MROH9: variants seen among roughly 807,000 people sequenced by gnomAD.
The protein encoded by MROH9 is maestro heat like repeat family member 9, also known as maestro heat-like repeat-containing protein family member 9.
Under a neutral mutation model 98.2 loss-of-function variants are expected in MROH9, and 92 were observed. That is an observed-to-expected ratio of 0.94 (90% CI 0.79 to 1.11). The LOEUF (loss-of-function observed/expected upper bound fraction) is 1.11, where lower values mean the gene tolerates loss of function less well. Among genes scored for constraint, MROH9 ranks in the 50% most tolerant of loss-of-function variants. MROH9 has a pLI of 0.00. For synonymous variants in MROH9, 397 were observed against 368.9 expected (o/e 1.08, Z -0.87); for missense variants, 1,057 against 1,014.8 (o/e 1.04, Z -0.57).
At position 170,992,345 on chromosome 1, in the gene MROH9, AG is replaced by A. The variant is rs777680929; in HGVS notation, c.1194+17del. ...GCCTTTGGCGGTAAATAACACGATG[AG>A]TGTTTCTTCTTCTCAGTACTGTTTT... On this transcript the variant is annotated intron_variant, in intron 12 of 21. Coordinates refer to ENST00000367759, the MANE Select transcript of MROH9 (RefSeq NM_001163629.2). 45 of 1,608,396 alleles carry A rather than the reference AG, an allele frequency of 2.8e-5. No individual in the cohort carries two copies. In the Admixed American group the frequency reaches 7.6e-4, roughly 27 times the overall value.
At chr1:171,032,862 G>A (rs539944980) in intron 20 of MROH9, among the ~76,000 whole-genome samples, 18 of 152,328 alleles carry the variant, frequency 1.2e-4, no homozygotes, top group Middle Eastern at 3.4e-3. Flanking sequence ...GGATTCCTCA[G>A]AACTACCAGG....
intron 1 of MROH9, among the ~76,000 whole-genome samples, chr1:170,943,293 A>T (rs1649195793): frequency 6.6e-6 from 1 of 152,060 alleles, no homozygotes; most frequent in African/African-American, 2.4e-5. Flanking sequence ...TGTTAAAAAT[A>T]CTCCAAAAGC....
intron 15 of MROH9, among the ~76,000 whole-genome samples, chr1:171,006,721 C>T (rs1439384752): frequency 1.4e-5 from 2 of 141,218 alleles, no homozygotes; most frequent in Admixed American, 7.1e-5. Context: ...TTCAAGTTTG[C>T]TAATTCTTTC....
intron 20 of MROH9, among the ~76,000 whole-genome samples, chr1:171,040,901 G>T (rs1214371959): frequency 2.0e-5 from 3 of 152,010 alleles, no homozygotes; most frequent in Non-Finnish European, 4.4e-5. Context: ...ACTATTTGAA[G>T]ATTCTGAAAA....
chr1:171,030,757 A>G (rs1652879420), intron 20 of MROH9, among the ~76,000 whole-genome samples: 2 of 152,164 alleles, frequency 1.3e-5, no homozygotes, highest in African/African-American at 4.8e-5. Flanking sequence ...AAGAATGTAT[A>G]TTCTGTTGAT....
At chr1:171,015,584 TA>T (rs1652298074) in intron 16 of MROH9, among the ~76,000 whole-genome samples, 1 of 151,942 alleles carries the variant, frequency 6.6e-6, no homozygotes, top group Admixed American at 6.6e-5. Context: ...CCTTGCCTTC[TA>T]TTCTGTTTGG....
chr1:171,014,534 T>C (rs941439893), intron 16 of MROH9, among the ~76,000 whole-genome samples: 4 of 152,142 alleles, frequency 2.6e-5, no homozygotes, highest in Admixed American at 2.0e-4. Context: ...AGACTTGTCT[T>C]ACAGTCTAAA....
At chr1:170,937,812 C>T (rs182392979) in intron 1 of MROH9, among the ~76,000 whole-genome samples, 1 of 152,098 alleles carries the variant, frequency 6.6e-6, no homozygotes, top group Non-Finnish European at 1.5e-5. Flanking sequence ...CGTGAGCCAC[C>T]GCGCCCGGCC....
intron 17 of MROH9, among the ~76,000 whole-genome samples, chr1:171,020,122 TAATAGCCTAC>T (rs1557901002): frequency 1.3e-5 from 2 of 152,146 alleles, no homozygotes; most frequent in East Asian, 3.9e-4. Flanking sequence ...TGGCAGTAAT[TAATAGCCTAC>T]TGATAAAAAA....
At chr1:170,999,844 C>T (rs1163020427) in intron 15 of MROH9, among the ~76,000 whole-genome samples, 1 of 151,994 alleles carries the variant, frequency 6.6e-6, no homozygotes, top group East Asian at 1.9e-4. Flanking sequence ...ACAACATCTA[C>T]TGTTTTTTGA....
intron 8 of MROH9, among the ~76,000 whole-genome samples, chr1:170,981,267 C>T (rs60754509): frequency 0.089 from 13,550 of 152,096 alleles, 668 homozygotes; most frequent in Middle Eastern, 0.14. Flanking sequence ...TGGGTATATA[C>T]CCAAAGGAAT....
At chr1:171,042,778 T>A (rs1226243424) in intron 20 of MROH9, among the ~76,000 whole-genome samples, 2 of 152,200 alleles carry the variant, frequency 1.3e-5, no homozygotes, top group Admixed American at 6.5e-5. Context: ...GCCATTTGTA[T>A]GTCTTCTTTT....
intron 15 of MROH9, among the ~76,000 whole-genome samples, chr1:171,011,905 T>C (rs916312376): frequency 6.6e-6 from 1 of 152,130 alleles, no homozygotes; most frequent in Non-Finnish European, 1.5e-5. Context: ...CCTAATACAA[T>C]GATTTCTGCC....
At chr1:170,952,842 C>G (rs1649609582) in intron 3 of MROH9, among the ~76,000 whole-genome samples, 1 of 152,032 alleles carries the variant, frequency 6.6e-6, no homozygotes, top group South Asian at 2.1e-4. Flanking sequence ...CAGCAAGCAG[C>G]AGCTTTTGAC....
chr1:171,025,437 T>G lies in MROH9; in HGVS notation c.2281+17T>G. Reference sequence around the variant, plus strand: ...TTTTGATAGGTAAATATAATTCAGTTCTCAATTCCTAACTTGTCTTAAATG... The same window carrying G: ...TTTTGATAGGTAAATATAATTCAGTGCTCAATTCCTAACTTGTCTTAAATG... On this transcript the variant is annotated intron_variant, in intron 20 of 21. Coordinates refer to ENST00000367759, the MANE Select transcript of MROH9 (RefSeq NM_001163629.2). 1 of 1,438,682 alleles carries G rather than the reference T, an allele frequency of 7.0e-7. No homozygotes were observed. The highest frequency in any genetic ancestry group is 2.0e-4 in the Middle Eastern group (1 of 4,972). The allele number at this position is 1,438,682 out of a possible 1,614,324, so 89.1% of individuals were successfully genotyped here. A position where few individuals can be genotyped will look rare whatever the true frequency, so the allele number is the denominator to read the frequency against.
At chr1:171,044,972 C>CTTTTTTTTTTTTTTTGTTTT (rs1653417218) in intron 20 of MROH9, among the ~76,000 whole-genome samples, 1 of 45,674 alleles carries the variant, frequency 2.2e-5, no homozygotes. Context: ...CTGCTCTGAT[C>CTTTTTTTTTTTTTTTGTTTT]TTTTTTTTTT....
chr1:170,975,882 G>A lies in MROH9; in HGVS notation c.616+3999G>A, dbSNP rs1157787306. ...GATGGTTAAGTCTTCCCATTGAATT[G>A]AATCCTTCATCATTTATGTAAATGC... On this transcript the variant is annotated intron_variant, in intron 8 of 21. Coordinates refer to ENST00000367759, the MANE Select transcript of MROH9 (RefSeq NM_001163629.2). 3.3e-5 allele frequency among the ~76,000 whole-genome samples: 5 copies of A among 152,128 alleles called. No homozygotes were observed. The East Asian group carries it at 9.6e-4, about 29-fold the overall frequency.
chr1:171,062,000 A>G (rs1571178442), intron 20 of MROH9, 132 bp from the exon 21 acceptor site: 1 of 624,080 alleles, frequency 1.6e-6, no homozygotes. Context: ...AATTAAAAGT[A>G]CTAAAAGATG....
rs142051845 is a variant in MROH9, at chr1:171,025,062, A to G, written c.2179-256A>G. Among the ~76,000 whole-genome samples the G allele has an allele frequency of 4.0e-3, 605 of 152,230 alleles. 9 individuals carry two copies. The highest frequency in any genetic ancestry group is 0.014 in the African/African-American group (568 of 41,562). On this transcript the variant is annotated intron_variant, in intron 19 of 21. Coordinates refer to ENST00000367759, the MANE Select transcript of MROH9 (RefSeq NM_001163629.2). Reference sequence around the variant, plus strand: ...CCCAGATCACAAAAAAGAAAACTAGAATTACTTTGCCACTGCCTCTTGAGC... The same window carrying G: ...CCCAGATCACAAAAAAGAAAACTAGGATTACTTTGCCACTGCCTCTTGAGC...
Sources: gnomAD v4.1 joint callset for allele counts (sites outside exome capture counted in the v4.1 genomes callset) on GRCh38, gnomAD v4.1.1 for gene constraint, MANE v1.5 for transcripts, NCBI Gene and HGNC (gene_info 2026-07-23, HGNC 2026-07-21) for gene names.